Variants in ROBO1 observed in about 807,000 individuals in gnomAD.
The protein encoded by ROBO1 is roundabout guidance receptor 1.
In ROBO1, 149 loss-of-function variants were observed where a neutral mutation model predicts 195.9. The ratio of observed to expected loss-of-function variants is 0.76; its 90% CI spans 0.67 to 0.87. The LOEUF (loss-of-function observed/expected upper bound fraction) is 0.87, where lower values mean the gene tolerates loss of function less well. Among genes scored for constraint, ROBO1 ranks in the 40% least tolerant of loss-of-function variants. ROBO1 has a pLI of 0.00. For missense variants in ROBO1, 1,933 were observed against 2,068.3 expected (o/e 0.93, Z 1.27); for synonymous variants, 816 against 733.2 (o/e 1.11, Z -1.82).
intron 2 of ROBO1, among the ~76,000 whole-genome samples, chr3:79,544,569 T>C (rs1480142676): frequency 6.6e-6 from 1 of 152,044 alleles, no homozygotes; most frequent in Non-Finnish European, 1.5e-5. Context: ...ACAAAATGAT[T>C]GTACCTGTGC....
intron 29 of ROBO1, among the ~76,000 whole-genome samples, chr3:78,602,035 C>T (rs79512405): frequency 0.016 from 1,361 of 86,172 alleles, 20 homozygotes; most frequent in African/African-American, 0.052. Context: ...GTATATCATT[C>T]ATGTGTGTGA....
At chr3:79,732,619 C>A (rs1469737381) in intron 1 of ROBO1, among the ~76,000 whole-genome samples, 9 of 152,154 alleles carry the variant, frequency 5.9e-5, no homozygotes, top group African/African-American at 2.2e-4. Flanking sequence ...ATGAAAATCT[C>A]CAACTATGAG....
At chr3:79,056,189 C>T (rs575846089) in intron 3 of ROBO1, among the ~76,000 whole-genome samples, 1 of 152,220 alleles carries the variant, frequency 6.6e-6, no homozygotes, top group Admixed American at 6.5e-5. Flanking sequence ...ACTGTACCAT[C>T]TATCAATAAT....
intron 2 of ROBO1, among the ~76,000 whole-genome samples, chr3:79,366,184 C>A (rs755154669): frequency 6.6e-6 from 1 of 152,092 alleles, no homozygotes; most frequent in Admixed American, 6.5e-5. Context: ...ATAATAATAG[C>A]ACATACCTCA....
intron 3 of ROBO1, among the ~76,000 whole-genome samples, chr3:79,062,931 T>C (rs553496673): frequency 2.0e-5 from 3 of 152,116 alleles, no homozygotes; most frequent in South Asian, 2.1e-4. Flanking sequence ...TGTATACCTA[T>C]GTAAAAAACC....
chr3:78,754,472 G>T (rs1004599062), intron 4 of ROBO1, among the ~76,000 whole-genome samples: 2 of 152,138 alleles, frequency 1.3e-5, no homozygotes, highest in Non-Finnish European at 2.9e-5. Context: ...CTCAATCAAA[G>T]AAATATGCTT....
At chr3:79,001,379 C>G (rs2108134586) in intron 3 of ROBO1, among the ~76,000 whole-genome samples, 1 of 152,234 alleles carries the variant, frequency 6.6e-6, no homozygotes, top group Non-Finnish European at 1.5e-5. Flanking sequence ...GTTTCAACCA[C>G]CTCCCACCAG....
intron 3 of ROBO1, among the ~76,000 whole-genome samples, chr3:79,017,280 T>A (rs1172439599): frequency 6.6e-6 from 1 of 152,128 alleles, no homozygotes; most frequent in East Asian, 1.9e-4. Flanking sequence ...CTGTTAACTG[T>A]CTTAAGTAAA....
chr3:78,901,018 T>C (rs527872889), intron 4 of ROBO1, among the ~76,000 whole-genome samples: 7 of 151,960 alleles, frequency 4.6e-5, no homozygotes, highest in Admixed American at 1.3e-4. Flanking sequence ...GAGAGAGAAA[T>C]TGCTTGTTCA....
chr3:78,635,728 G>C (rs1237516245), intron 23 of ROBO1, 45 bp downstream of exon 23: 1 of 1,507,654 alleles, frequency 6.6e-7, no homozygotes, highest in East Asian at 2.3e-5. Flanking sequence ...GAGGTGCTGA[G>C]AGTATCATAC....
At chr3:79,536,259 T>C (rs1941858759) in intron 2 of ROBO1, among the ~76,000 whole-genome samples, 1 of 152,144 alleles carries the variant, frequency 6.6e-6, no homozygotes, top group Non-Finnish European at 1.5e-5. Flanking sequence ...CACACCTATA[T>C]ACACAGCCAA....
At chr3:79,412,950 C>T (rs2037842253) in intron 2 of ROBO1, among the ~76,000 whole-genome samples, 1 of 123,862 alleles carries the variant, frequency 8.1e-6, no homozygotes, top group African/African-American at 3.1e-5. Context: ...AGTCTACTTC[C>T]CATGGGCAAA....
chr3:79,048,500 C>A (rs564473897), intron 3 of ROBO1, among the ~76,000 whole-genome samples: 1 of 152,176 alleles, frequency 6.6e-6, no homozygotes, highest in East Asian at 1.9e-4. Context: ...CTCATGGAAC[C>A]CCAAACTAAC....
intron 2 of ROBO1, among the ~76,000 whole-genome samples, chr3:79,183,290 G>A (rs77444387): frequency 0.088 from 13,429 of 152,108 alleles, 1,023 homozygotes; most frequent in African/African-American, 0.2. Context: ...TTTTGACTTA[G>A]GTCCAGTTCT....
intron 4 of ROBO1, among the ~76,000 whole-genome samples, chr3:78,874,955 C>T (rs2035755322): frequency 6.6e-6 from 1 of 151,848 alleles, no homozygotes; most frequent in African/African-American, 2.4e-5. Context: ...TTTGAGAATG[C>T]ACAAATAAAT....
At position 79,560,537 on chromosome 3, in the gene ROBO1, A is replaced by T. The variant is rs1005981179; in HGVS notation, c.88+29287T>A. On this transcript the variant is annotated intron_variant, in intron 2 of 30. Transcript: ENST00000464233. Reference sequence around the variant, plus strand: ...AACTTAAAGTATAATAATAATAATTATATATATATATATATATATATACAC... The same window carrying T: ...AACTTAAAGTATAATAATAATAATTTTATATATATATATATATATATACAC... Among the ~76,000 whole-genome samples the T allele has an allele frequency of 2.6e-4, 25 of 96,800 alleles. No individual in the cohort carries two copies. The South Asian group carries it at 5.8e-3, about 22-fold the overall frequency. The allele number at this position is 96,800 out of a possible 152,430, so 63.5% of individuals were successfully genotyped here. A position where few individuals can be genotyped will look rare whatever the true frequency, so the allele number is the denominator to read the frequency against.
chr3:79,694,305 A>C (rs79021725), intron 1 of ROBO1, among the ~76,000 whole-genome samples: 1 of 77,956 alleles, frequency 1.3e-5, no homozygotes, highest in Non-Finnish European at 3.4e-5. Context: ...CACAGTTTAC[A>C]AAAAAAATGG....
chr3:79,291,644 A>G (rs1323210206), intron 2 of ROBO1, among the ~76,000 whole-genome samples: 1 of 152,176 alleles, frequency 6.6e-6, no homozygotes, highest in African/African-American at 2.4e-5. Flanking sequence ...TTACATCTTC[A>G]ATGCATAGCA....
At chr3:79,497,093 G>C (rs1217570457) in intron 2 of ROBO1, among the ~76,000 whole-genome samples, 1 of 152,158 alleles carries the variant, frequency 6.6e-6, no homozygotes, top group Admixed American at 6.5e-5. Context: ...AGGTAAGAGA[G>C]GACAGGCTGT....
Sources: gnomAD v4.1 joint callset for allele counts (sites outside exome capture counted in the v4.1 genomes callset) on GRCh38, gnomAD v4.1.1 for gene constraint, MANE v1.5 for transcripts, NCBI Gene and HGNC (gene_info 2026-07-23, HGNC 2026-07-21) for gene names.